TMEM114: variants seen among roughly 807,000 people sequenced by gnomAD.
TMEM114 encodes transmembrane protein 114, also known as claudin-26.
In TMEM114, 6 loss-of-function variants were observed where a neutral mutation model predicts 6.2. The ratio of observed to expected loss-of-function variants is 0.97; its 90% CI spans 0.53 to 1.91. TMEM114 has a LOEUF of 1.91. TMEM114 is among the 40% of genes most tolerant of loss of function. The pLI is 0.01. For synonymous variants in TMEM114, 104 were observed against 73.0 expected, an observed-to-expected ratio of 1.42 and a Z score of -2.16; for missense variants, 218 against 158.3, an observed-to-expected ratio of 1.38 and a Z score of -2.02.
chr16:8,559,436 C>A (rs1469382134), intron 2 of TMEM114, among the ~76,000 whole-genome samples: 1 of 152,146 alleles, frequency 6.6e-6, no homozygotes, highest in Non-Finnish European at 1.5e-5. Flanking sequence ...CTGCTTCAAG[C>A]ATTACAGGTG....
downstream of TMEM114, chr16:8,569,459 C>G (rs34611293): frequency 0.057 from 68,111 of 1,186,152 alleles, 2,546 homozygotes; most frequent in African/African-American, 0.16. Flanking sequence ...GAAATGAAGT[C>G]GGAGGGGGCG....
At chr16:8,530,716 G>C in the TMEM114 span, among the ~76,000 whole-genome samples, 2 of 151,816 alleles carry the variant, frequency 1.3e-5, no homozygotes, top group African/African-American at 4.8e-5. Flanking sequence ...ATTGGGATTG[G>C]GGAGGAAGTT....
rs1901662699 is a variant in TMEM114, at chr16:8,569,774, C to A, written c.671G>T (p.Ter224LeuextTer58). The change falls in exon 4 of 4, where the codon TGA becomes TTA. Residue 224 changes from the stop codon to leucine, a stop_lost. Transcript: ENST00000620492. Reference sequence around the variant, plus strand: ...CCCTCCACGACCCAGCGCCCAGGCTCATATGGCCTGGTCCTGCCTCCGTCT... The same window carrying A: ...CCCTCCACGACCCAGCGCCCAGGCTAATATGGCCTGGTCCTGCCTCCGTCT... ...SLRRRQDQAI[*>L] 1 of 1,549,646 alleles carries A rather than the reference C, an allele frequency of 6.5e-7. No homozygotes were observed.
chr16:8,550,445 C>T (rs954190438), intron 2 of TMEM114, among the ~76,000 whole-genome samples: 2 of 151,634 alleles, frequency 1.3e-5, no homozygotes, highest in African/African-American at 4.8e-5. Context: ...CTTTGGGAGG[C>T]CAAGGCGGGC....
At chr16:8,565,158 G>C (rs571235219), downstream of TMEM114, among the ~76,000 whole-genome samples, 1 of 152,222 alleles carries the variant, frequency 6.6e-6, no homozygotes, top group South Asian at 2.1e-4. Flanking sequence ...TGGATGGGTG[G>C]ATGGATGCAT....
At chr16:8,559,508 G>C (rs1901131595) in intron 2 of TMEM114, among the ~76,000 whole-genome samples, 1 of 152,224 alleles carries the variant, frequency 6.6e-6, no homozygotes, top group Admixed American at 6.5e-5. Context: ...CAGCAATCCA[G>C]TGGGTGCAGG....
intron 2 of TMEM114, among the ~76,000 whole-genome samples, chr16:8,549,455 GA>G: frequency 6.9e-6 from 1 of 143,934 alleles, no homozygotes; most frequent in South Asian, 2.2e-4. Flanking sequence ...AGCCACGATT[GA>G]GCCACTTCAC....
chr16:8,578,113 T>A (rs911323791), intron 2 of TMEM114, among the ~76,000 whole-genome samples: 2 of 152,122 alleles, frequency 1.3e-5, no homozygotes, highest in Non-Finnish European at 2.9e-5. Context: ...AGTGTGAGGA[T>A]GCAGAAAAAT....
chr16:8,540,298 A>G lies in TMEM114; in HGVS notation n.213-2472T>C, dbSNP rs950948272. 7.2e-5 allele frequency among the ~76,000 whole-genome samples: 11 copies of G among 152,276 alleles called. No homozygotes were observed. The South Asian group carries it at 2.1e-3, about 29-fold the overall frequency. ...TATAGGAGGAATAGAACAGTCTCAG[A>G]TAGAGGTAGGAGCTCTGGAGTCCAG... On this transcript the variant is annotated intron_variant and non_coding_transcript_variant, in intron 2 of 2. Coordinates refer to the TMEM114 transcript ENST00000623677.
chr16:8,532,696 G>A (rs1445002361), downstream of TMEM114, among the ~76,000 whole-genome samples: 2 of 152,030 alleles, frequency 1.3e-5, no homozygotes, highest in African/African-American at 2.4e-5. Flanking sequence ...AGGCCGAGGC[G>A]GGCGACTCAC....
intron 2 of TMEM114, among the ~76,000 whole-genome samples, chr16:8,545,150 A>G (rs1276174821): frequency 6.6e-6 from 1 of 151,996 alleles, no homozygotes; most frequent in Non-Finnish European, 1.5e-5. Flanking sequence ...TCACTAGTCT[A>G]TTTTTGGCCA....
chr16:8,542,573 G>A (rs1035381480), intron 2 of TMEM114, among the ~76,000 whole-genome samples: 3 of 152,190 alleles, frequency 2.0e-5, no homozygotes, highest in Admixed American at 2.0e-4. Flanking sequence ...GGTTGGAAAT[G>A]CAAATTCCTT....
At chr16:8,569,245 T>C (rs1421960782), downstream of TMEM114, among the ~76,000 whole-genome samples, 1 of 152,112 alleles carries the variant, frequency 6.6e-6, no homozygotes, top group African/African-American at 2.4e-5. Context: ...GGCCAACCCC[T>C]TGGGAGTCTC....
chr16:8,542,538 A>G (rs766938610), intron 2 of TMEM114, among the ~76,000 whole-genome samples: 21 of 152,160 alleles, frequency 1.4e-4, no homozygotes, highest in Non-Finnish European at 2.8e-4. Context: ...AATTCTAAAT[A>G]TGTAAGAACG....
At chr16:8,553,996 A>C (rs1363097224) in intron 2 of TMEM114, among the ~76,000 whole-genome samples, 1 of 151,882 alleles carries the variant, frequency 6.6e-6, no homozygotes, top group East Asian at 1.9e-4. Context: ...CTCATGTGTC[A>C]GCCGCCTGAA....
chr16:8,531,737 T>G, the TMEM114 span, among the ~76,000 whole-genome samples: 5 of 152,238 alleles, frequency 3.3e-5, no homozygotes, highest in Non-Finnish European at 7.3e-5. Context: ...AGTTGAATAG[T>G]CTGTGGAATC....
At chr16:8,582,202 G>A (rs922112080) in intron 2 of TMEM114, among the ~76,000 whole-genome samples, 5 of 152,182 alleles carry the variant, frequency 3.3e-5, no homozygotes, top group Admixed American at 6.5e-5. Flanking sequence ...TGTTGGACAA[G>A]GCATTTGACC....
At chr16:8,573,374 C>A (rs1308915614) in intron 2 of TMEM114, among the ~76,000 whole-genome samples, 1 of 152,076 alleles carries the variant, frequency 6.6e-6, no homozygotes, top group Admixed American at 6.5e-5. Flanking sequence ...TAGAGAACTC[C>A]CAAGCCCAAA....
At chr16:8,559,649 C>T (rs1426833981) in intron 2 of TMEM114, among the ~76,000 whole-genome samples, 1 of 152,206 alleles carries the variant, frequency 6.6e-6, no homozygotes, top group Non-Finnish European at 1.5e-5. Context: ...TTAAAAGAAG[C>T]ATTTCATTGA....
Sources: gnomAD v4.1 joint callset for allele counts (sites outside exome capture counted in the v4.1 genomes callset) on GRCh38, gnomAD v4.1.1 for gene constraint, MANE v1.5 for transcripts, NCBI Gene and HGNC (gene_info 2026-07-23, HGNC 2026-07-21) for gene names.